GRID1: variants seen among roughly 807,000 people sequenced by gnomAD.
GRID1 encodes glutamate receptor ionotropic, delta-1.
GRID1 carries 28 observed loss-of-function variants against 98.0 expected under a neutral mutation model. That is an observed-to-expected ratio of 0.29 (90% CI 0.21 to 0.39). The LOEUF is 0.39. Among genes scored for constraint, GRID1 ranks in the 10% least tolerant of loss-of-function variants. GRID1 has a pLI of 1.00. For missense variants in GRID1, 1,111 were observed against 1,340.5 expected (o/e 0.83, Z 2.67); for synonymous variants, 553 against 538.5 (o/e 1.03, Z -0.37).
At chr10:85,872,842 C>T (rs1564614866) in intron 5 of GRID1, among the ~76,000 whole-genome samples, 1 of 152,210 alleles carries the variant, frequency 6.6e-6, no homozygotes, top group Non-Finnish European at 1.5e-5. Context: ...TGGGTCAGAG[C>T]ATGTATGCTG....
intron 8 of GRID1, among the ~76,000 whole-genome samples, chr10:85,816,386 A>G (rs1842716053): frequency 6.6e-6 from 1 of 152,220 alleles, no homozygotes; most frequent in Admixed American, 6.5e-5. Context: ...AATGAATCTT[A>G]AATAGATTTT....
chr10:86,346,162 G>A (rs1279997880), intron 2 of GRID1, among the ~76,000 whole-genome samples: 2 of 152,172 alleles, frequency 1.3e-5, no homozygotes, highest in African/African-American at 2.4e-5. Flanking sequence ...GTCCAGACAC[G>A]CTGCTGGGTG....
chr10:86,339,975 G>C (rs904566520), intron 2 of GRID1, among the ~76,000 whole-genome samples: 1 of 152,166 alleles, frequency 6.6e-6, no homozygotes, highest in African/African-American at 2.4e-5. Flanking sequence ...CCAGGAGGAC[G>C]GGAGGGGCGG....
intron 4 of GRID1, among the ~76,000 whole-genome samples, chr10:85,988,537 G>A (rs1010550043): frequency 2.0e-5 from 3 of 152,156 alleles, no homozygotes; most frequent in African/African-American, 7.2e-5. Context: ...AGACCCCTGG[G>A]CCTAGGGGGA....
At chr10:86,031,097 T>C (rs763321528) in intron 4 of GRID1, among the ~76,000 whole-genome samples, 8 of 152,300 alleles carry the variant, frequency 5.3e-5, no homozygotes, top group East Asian at 1.9e-4. Flanking sequence ...CTTGGAGACC[T>C]TCGTTTCCAC....
chr10:86,341,222 T>G (rs555234066), intron 2 of GRID1, among the ~76,000 whole-genome samples: 1 of 152,192 alleles, frequency 6.6e-6, no homozygotes, highest in East Asian at 1.9e-4. Flanking sequence ...TCCTTTCAAC[T>G]TAGTCCCCTA....
chr10:86,065,564 T>C (rs1296186591), intron 4 of GRID1, among the ~76,000 whole-genome samples: 4 of 152,238 alleles, frequency 2.6e-5, no homozygotes, highest in Non-Finnish European at 5.9e-5. Context: ...TCCTAGCCAG[T>C]GGGATCTTTT....
intron 4 of GRID1, among the ~76,000 whole-genome samples, chr10:86,039,144 CAT>C (rs1843311511): frequency 1.3e-5 from 2 of 152,168 alleles, no homozygotes; most frequent in African/African-American, 4.8e-5. Flanking sequence ...TTCCTTCCCT[CAT>C]ATGCTCAACT....
intron 4 of GRID1, among the ~76,000 whole-genome samples, chr10:86,119,691 C>A (rs988894954): frequency 6.6e-6 from 1 of 152,170 alleles, no homozygotes; most frequent in Admixed American, 6.5e-5. Flanking sequence ...ACAGGCATCC[C>A]ATCTAGGGCA....
chr10:85,798,573 T>C (rs1398299452), intron 8 of GRID1, among the ~76,000 whole-genome samples: 1 of 152,160 alleles, frequency 6.6e-6, no homozygotes, highest in Non-Finnish European at 1.5e-5. Flanking sequence ...TGGAGTGAGG[T>C]GATATCTCAC....
intron 8 of GRID1, among the ~76,000 whole-genome samples, chr10:85,737,378 C>T (rs1313764911): frequency 6.6e-6 from 1 of 151,832 alleles, no homozygotes; most frequent in Non-Finnish European, 1.5e-5. Flanking sequence ...GCAATGAAAA[C>T]CAGCAGAAAT....
intron 12 of GRID1, among the ~76,000 whole-genome samples, chr10:85,714,815 C>G (rs1841619879): frequency 6.6e-6 from 1 of 151,782 alleles, no homozygotes; most frequent in South Asian, 2.1e-4. Context: ...ATGTTAATAC[C>G]ACCCAAAGTG....
At chr10:85,635,596 C>T (rs189544289) in intron 13 of GRID1, among the ~76,000 whole-genome samples, 63 of 152,332 alleles carry the variant, frequency 4.1e-4, no homozygotes, top group African/African-American at 1.5e-3. Context: ...TCCATGCCTA[C>T]CTCTGCCCTC....
At chr10:86,252,810 C>A (rs1221346520) in intron 2 of GRID1, among the ~76,000 whole-genome samples, 3 of 152,208 alleles carry the variant, frequency 2.0e-5, no homozygotes, top group African/African-American at 7.2e-5. Flanking sequence ...GCCTGAATTA[C>A]CTCCACAGTG....
chr10:85,958,715 C>T (rs532774436), intron 4 of GRID1, among the ~76,000 whole-genome samples: 2 of 152,022 alleles, frequency 1.3e-5, no homozygotes, highest in Non-Finnish European at 2.9e-5. Context: ...CCCAGCACTT[C>T]GGGAGGCTGA....
Position 85,745,655 on chromosome 10 carries a change from T to C in GRID1, c.1234-16041A>G, listed in dbSNP as rs561512968. Among the ~76,000 whole-genome samples, 11 of 142,002 alleles carry C rather than the reference T, an allele frequency of 7.7e-5. No individual in the cohort carries two copies. The East Asian group carries it at 1.9e-3, about 24-fold the overall frequency. 93.2% of individuals were successfully genotyped at this position (142,002 alleles called of 152,430 possible). A position where few individuals can be genotyped will look rare whatever the true frequency, so the allele number is the denominator to read the frequency against. ...CGTTAGTGGGTGCAGCGCACCAGCA[T>C]GGCACATGTATACATATGTAACTAA... On this transcript the variant is annotated intron_variant, in intron 8 of 15. Transcript: ENST00000327946.
At chr10:85,796,869 G>A (rs967747134) in intron 8 of GRID1, among the ~76,000 whole-genome samples, 9 of 152,060 alleles carry the variant, frequency 5.9e-5, no homozygotes, top group Non-Finnish European at 5.9e-5. Context: ...CCTTTCAAAC[G>A]TCATAAAAAT....
intron 8 of GRID1, among the ~76,000 whole-genome samples, chr10:85,800,911 C>A (rs531348422): frequency 4.6e-5 from 7 of 151,978 alleles, no homozygotes; most frequent in African/African-American, 1.7e-4. Flanking sequence ...CAGAATCTGG[C>A]TACAGAGTTT....
chr10:85,827,067 A>C (rs1412789507), intron 8 of GRID1, among the ~76,000 whole-genome samples: 1 of 152,242 alleles, frequency 6.6e-6, no homozygotes, highest in East Asian at 1.9e-4. Context: ...AAAAAGCCAG[A>C]GTATCCTCTT....
Sources: gnomAD v4.1 joint callset for allele counts (sites outside exome capture counted in the v4.1 genomes callset) on GRCh38, gnomAD v4.1.1 for gene constraint, MANE v1.5 for transcripts, NCBI Gene and HGNC (gene_info 2026-07-23, HGNC 2026-07-21) for gene names.